Variants in RTKN2 observed in about 807,000 individuals in gnomAD.
The protein encoded by RTKN2 is rhotekin-2.
A neutral mutation model predicts 71.5 loss-of-function variants in RTKN2; 69 were observed. That is an observed-to-expected ratio of 0.96 (90% CI 0.79 to 1.18). The LOEUF (loss-of-function observed/expected upper bound fraction) is 1.18, where lower values mean the gene tolerates loss of function less well. RTKN2 is among the 50% of genes most tolerant of loss of function. RTKN2 has a pLI of 0.00. For synonymous variants in RTKN2, 236 were observed against 236.5 expected, an observed-to-expected ratio of 1.00 and a Z score of 0.02; for missense variants, 724 against 719.7, an observed-to-expected ratio of 1.01 and a Z score of -0.07.
chr10:62,211,022 C>T lies in RTKN2; in HGVS notation c.1021-6000G>A, dbSNP rs144758849. On this transcript the variant is annotated intron_variant, in intron 9 of 11. Coordinates refer to ENST00000373789, the MANE Select transcript of RTKN2 (RefSeq NM_145307.4). ...CTACTACACTAAATAGTGTTATTGA[C>T]TTGTTTAGTACAGATTTTATTAAAA... Among the ~76,000 whole-genome samples the T allele has an allele frequency of 9.2e-3, 1,397 of 152,180 alleles. 12 individuals carry two copies. The highest frequency in any genetic ancestry group is 0.017 in the Middle Eastern group (5 of 294).
intron 2 of RTKN2, among the ~76,000 whole-genome samples, chr10:62,252,123 T>A (rs913620389): frequency 1.3e-5 from 2 of 152,006 alleles, no homozygotes; most frequent in Non-Finnish European, 2.9e-5. Flanking sequence ...AATCTACATA[T>A]CAAAAGAGCC....
chr10:62,235,736 C>T (rs974765642), intron 6 of RTKN2, among the ~76,000 whole-genome samples: 2 of 151,540 alleles, frequency 1.3e-5, no homozygotes, highest in African/African-American at 4.8e-5. Flanking sequence ...GTCCTGGGTG[C>T]CATCCCTAAG....
chr10:62,232,106 C>A (rs764190157), intron 6 of RTKN2, among the ~76,000 whole-genome samples: 1 of 151,924 alleles, frequency 6.6e-6, no homozygotes, highest in Admixed American at 6.6e-5. Context: ...ACAAATGGCA[C>A]GCAAGATTCA....
chr10:62,184,832 A>G (rs541625407), intron 8 of RTKN2, among the ~76,000 whole-genome samples: 28 of 152,376 alleles, frequency 1.8e-4, no homozygotes, highest in African/African-American at 6.7e-4. Flanking sequence ...ATCTCAAATA[A>G]GAACTAAGTA....
intron 3 of RTKN2, among the ~76,000 whole-genome samples, chr10:62,243,401 C>G (rs1204774217): frequency 6.6e-6 from 1 of 151,800 alleles, no homozygotes; most frequent in Non-Finnish European, 1.5e-5. Flanking sequence ...CTTGCTTGAC[C>G]ACAGCTGCTG....
In RTKN2 at chr10:62,195,573, G is replaced by A. The variant is rs1007981884; in HGVS notation, c.*2335C>T. The A allele has an allele frequency of 1.6e-5, 10 of 606,248 alleles. No homozygotes were observed. The East Asian group carries it at 9.0e-4, about 55-fold the overall frequency. The allele number at this position is 606,248 out of a possible 1,614,324, so 37.6% of individuals were successfully genotyped here. The stretch of plus-strand genomic sequence containing the variant: ...AACAAAGACAAAAAGGAAGGAAGGA[G>A]GGAAGGAGGGAAGGAGAGACGGACA... On this transcript the variant is annotated 3_prime_UTR_variant, in exon 12 of 12. Transcript: ENST00000373789.
rs1451641911 is a variant in RTKN2, at chr10:62,262,620, C to T, written c.257+5G>A. On this transcript the variant is annotated splice_donor_5th_base_variant and intron_variant, in intron 2 of 11. Coordinates refer to ENST00000373789, the MANE Select transcript of RTKN2 (RefSeq NM_145307.4). ...TAAAAGCCACAGGTAAACTATGTTACTAACCATCTTCCAGTCTGATTTGCA... is the reference window on the plus strand; with the variant it reads ...TAAAAGCCACAGGTAAACTATGTTATTAACCATCTTCCAGTCTGATTTGCA... 1 of 1,583,060 alleles carries T rather than the reference C, an allele frequency of 6.3e-7. No homozygotes were observed. Among genetic ancestry groups the T allele is most frequent in the Non-Finnish European group, 8.6e-7 (1 of 1,158,182 alleles).
At chr10:62,186,129 C>T (rs181205587) in intron 8 of RTKN2, among the ~76,000 whole-genome samples, 12 of 152,326 alleles carry the variant, frequency 7.9e-5, no homozygotes, top group Non-Finnish European at 1.3e-4. Flanking sequence ...GCTGGGCTAT[C>T]GTGCCTTTGC....
At chr10:62,237,325 G>GA (rs370960369) in intron 5 of RTKN2, among the ~76,000 whole-genome samples, 5 of 151,406 alleles carry the variant, frequency 3.3e-5, no homozygotes, top group South Asian at 2.1e-4. Flanking sequence ...AGGTTTATGG[G>GA]AAAAAAAATA....
In RTKN2 at chr10:62,239,778, T is replaced by C; in HGVS notation, c.371-13A>G. 7.9e-7 allele frequency: 1 copy of C among 1,260,546 alleles called. No homozygotes were observed. Among genetic ancestry groups the C allele is most frequent in the Non-Finnish European group, 1.1e-6 (1 of 870,094 alleles). The allele number at this position is 1,260,546 out of a possible 1,614,324, so 78.1% of individuals were successfully genotyped here. The stretch of plus-strand genomic sequence containing the variant: ...TAGCGTCGTGATCCTGGAGGAAAAA[T>C]AACAACATATTAAGCAACAATCCAT... On this transcript the variant is annotated splice_polypyrimidine_tract_variant and intron_variant, in intron 4 of 11. Coordinates refer to ENST00000373789, the MANE Select transcript of RTKN2 (RefSeq NM_145307.4).
At chr10:62,254,121 G>A (rs1186409862) in intron 2 of RTKN2, among the ~76,000 whole-genome samples, 1 of 152,118 alleles carries the variant, frequency 6.6e-6, no homozygotes, top group African/African-American at 2.4e-5. Context: ...TTAATAACAA[G>A]ACCATAAGAA....
intron 6 of RTKN2, among the ~76,000 whole-genome samples, chr10:62,234,509 AAAAAGAAAAAG>A (rs1368094884): frequency 8.5e-6 from 1 of 117,428 alleles, no homozygotes; most frequent in Non-Finnish European, 1.8e-5. Context: ...AAAAAAAAAG[AAAAAGAAAAAG>A]AAAAGAAAAG....
At chr10:62,226,970 T>C (rs561267581) in intron 6 of RTKN2, among the ~76,000 whole-genome samples, 35 of 152,190 alleles carry the variant, frequency 2.3e-4, no homozygotes, top group African/African-American at 7.5e-4. Flanking sequence ...AAAAAATAAC[T>C]AGAAGGGGGT....
At position 62,198,263 on chromosome 10, in the gene RTKN2, T is replaced by G. The variant is rs754556241; in HGVS notation, c.1475A>C (p.Glu492Ala). 9 of 1,614,026 alleles carry G rather than the reference T, an allele frequency of 5.6e-6. No homozygotes were observed. The highest frequency in any genetic ancestry group is 7.6e-6 in the Non-Finnish European group (9 of 1,179,942). ...IQKKVLYPASEPLHDEKGKKR... is the reference protein window; with the variant it reads ...IQKKVLYPASAPLHDEKGKKR... ...TTTCCCTTTTTCATCATGTAATGGCTCACTTGCAGGATACAGTACCTTTTT... is the reference window on the plus strand; with the variant it reads ...TTTCCCTTTTTCATCATGTAATGGCGCACTTGCAGGATACAGTACCTTTTT... Residue 492 changes from glutamate (E) to alanine (A), a missense_variant, in exon 12 of 12, where the codon GAG (glutamate) becomes GCG (alanine). Transcript: ENST00000373789.
chr10:62,250,218 A>G (rs1589379611), intron 2 of RTKN2, among the ~76,000 whole-genome samples: 1 of 152,338 alleles, frequency 6.6e-6, no homozygotes, highest in African/African-American at 2.4e-5. Flanking sequence ...CCTAGTGGAT[A>G]CCAGAGCACT....
chr10:62,214,044 A>C (rs1211281009), intron 9 of RTKN2, among the ~76,000 whole-genome samples: 1 of 152,042 alleles, frequency 6.6e-6, no homozygotes, highest in African/African-American at 2.4e-5. Flanking sequence ...AAGAACTACA[A>C]AGAGAAAAAG....
At chr10:62,208,259 T>G (rs879668979) in intron 9 of RTKN2, among the ~76,000 whole-genome samples, 1 of 152,186 alleles carries the variant, frequency 6.6e-6, no homozygotes, top group Non-Finnish European at 1.5e-5. Flanking sequence ...TTATAAATTA[T>G]ATATGTTACT....
chr10:62,243,772 TTA>T (rs1842426629), intron 3 of RTKN2, among the ~76,000 whole-genome samples: 1 of 152,214 alleles, frequency 6.6e-6, no homozygotes, highest in Non-Finnish European at 1.5e-5. Context: ...TTGTCTTGTT[TTA>T]TGTCTTCATT....
intron 6 of RTKN2, among the ~76,000 whole-genome samples, chr10:62,233,285 C>A (rs1227626005): frequency 6.6e-6 from 1 of 152,116 alleles, no homozygotes; most frequent in African/African-American, 2.4e-5. Flanking sequence ...TCTTTCTGCA[C>A]TAAAACCTGC....
Sources: gnomAD v4.1 joint callset for allele counts (sites outside exome capture counted in the v4.1 genomes callset) on GRCh38, gnomAD v4.1.1 for gene constraint, MANE v1.5 for transcripts, NCBI Gene and HGNC (gene_info 2026-07-23, HGNC 2026-07-21) for gene names.